Variants in PAX7 observed in about 807,000 individuals in gnomAD.
PAX7 encodes the protein paired box 7.
In PAX7, 18 loss-of-function variants were observed where a neutral mutation model predicts 50.7. The observed-to-expected ratio is 0.36, with a 90% confidence interval of 0.25 to 0.53. The LOEUF (loss-of-function observed/expected upper bound fraction) is 0.53, where lower values mean the gene tolerates loss of function less well. PAX7 is among the 20% of genes least tolerant of loss of function. The pLI is 0.93. For missense variants in PAX7, 644 were observed against 702.9 expected, an observed-to-expected ratio of 0.92 and a Z score of 0.95; for synonymous variants, 310 against 290.4, an observed-to-expected ratio of 1.07 and a Z score of -0.69.
Position 18,727,360 on chromosome 1 carries a change from T to G in PAX7, c.1156-8272T>G, listed in dbSNP as rs571476345. Among the ~76,000 whole-genome samples the G allele has an allele frequency of 1.1e-3, 131 of 122,978 alleles. 1 individual carries two copies. The highest frequency in any genetic ancestry group is 3.4e-3 in the African/African-American group (100 of 29,746). The allele number at this position is 122,978 out of a possible 152,430, so 80.7% of individuals were successfully genotyped here. A position where few individuals can be genotyped will look rare whatever the true frequency, so the allele number is the denominator to read the frequency against. On this transcript the variant is annotated intron_variant, in intron 7 of 8. Transcript: ENST00000420770. ...CACACACTCTCTCATCCTCTCTCTCTCTCTCTCTCATACACACACACACAC... is the reference window on the plus strand; with the variant it reads ...CACACACTCTCTCATCCTCTCTCTCGCTCTCTCTCATACACACACACACAC...
Position 18,735,590 on chromosome 1 carries a change from G to GT in PAX7, c.1156-41dup, listed in dbSNP as rs1316595564. Reference sequence around the variant, plus strand: ...TGCCCAGTGTGCTCGTGTCTCTGGGGTCTGTCCGGTGAGCCTGGCACTAAT... The same window carrying GT: ...TGCCCAGTGTGCTCGTGTCTCTGGGGTTCTGTCCGGTGAGCCTGGCACTAAT... On this transcript the variant is annotated intron_variant, in intron 7 of 8. Coordinates refer to ENST00000420770, the MANE Select transcript of PAX7 (RefSeq NM_001135254.2). The surrounding 1 kb of genome is among the most constrained non-coding windows in gnomAD (Gnocchi z 4.0). 1 of 1,578,572 alleles carries GT rather than the reference G, an allele frequency of 6.3e-7. No individual in the cohort carries two copies. The highest frequency in any genetic ancestry group is 1.7e-5 in the Admixed American group (1 of 58,522).
chr1:18,691,767 C>G lies in PAX7; in HGVS notation c.600C>G (p.Asp200Glu). Reference protein sequence around the residue: ...GILGDKGNRLDEGSDVESEPD... With the variant: ...GILGDKGNRLEEGSDVESEPD... ...CTCCGGCTGTAGGGAACCGGCTGGA[C>G]GAGGGCTCGGATGTGGAGTCGGAAC... Residue 200 changes from aspartate (D) to glutamate (E), a missense_variant, in exon 5 of 9, where the codon GAC becomes GAG. Asp to Glu is a conservative substitution (Grantham distance 45, BLOSUM62 2). Transcript: ENST00000420770. 6.3e-7 allele frequency: 1 copy of G among 1,581,626 alleles called. No individual in the cohort carries two copies. Among genetic ancestry groups the G allele is most frequent in the East Asian group, 2.3e-5 (1 of 42,902 alleles).
At chr1:18,692,474 G>A (rs1489632235) in intron 5 of PAX7, among the ~76,000 whole-genome samples, 4 of 151,958 alleles carry the variant, frequency 2.6e-5, no homozygotes, top group Admixed American at 6.6e-5. Flanking sequence ...CGTGGGAGGC[G>A]GAGGTTGCAG....
chr1:18,702,189 A>T (rs2089231010), intron 6 of PAX7, among the ~76,000 whole-genome samples: 1 of 151,078 alleles, frequency 6.6e-6, no homozygotes, highest in Non-Finnish European at 1.5e-5. Context: ...AAAAAAAAAA[A>T]TTATCTGGGC....
chr1:18,674,909 C>T (rs923349482), intron 4 of PAX7, among the ~76,000 whole-genome samples: 2 of 152,184 alleles, frequency 1.3e-5, no homozygotes, highest in Non-Finnish European at 2.9e-5. Context: ...CCTAGGCTCC[C>T]TCATGGGGCC....
chr1:18,636,167 G>A lies in PAX7; in HGVS notation c.452-70G>A. On this transcript the variant is annotated intron_variant, in intron 3 of 8. Coordinates refer to ENST00000420770, the MANE Select transcript of PAX7 (RefSeq NM_001135254.2). The surrounding 1 kb of genome is among the most constrained non-coding windows in gnomAD (Gnocchi z 5.1). ...AGGGGGCTTCCTGACTTTCTCCCAGGGGCCCAGGCCACCGCTCGCTCCTCT... is the reference window on the plus strand; with the variant it reads ...AGGGGGCTTCCTGACTTTCTCCCAGAGGCCCAGGCCACCGCTCGCTCCTCT... The A allele has an allele frequency of 6.5e-7, 1 of 1,541,636 alleles. No homozygotes were observed. The highest frequency in any genetic ancestry group is 8.8e-7 in the Non-Finnish European group (1 of 1,133,234).
intron 4 of PAX7, among the ~76,000 whole-genome samples, chr1:18,642,481 G>A (rs745714142): frequency 2.2e-4 from 33 of 152,138 alleles, no homozygotes; most frequent in Admixed American, 7.9e-4. Context: ...CATGACTAAG[G>A]GGGGAGGACA....
chr1:18,707,351 G>A (rs1225396667), intron 7 of PAX7, among the ~76,000 whole-genome samples: 1 of 150,832 alleles, frequency 6.6e-6, no homozygotes, highest in African/African-American at 2.4e-5. Context: ...GTAGAGCCAG[G>A]ATTCAAACCC....
chr1:18,679,134 T>C (rs1438537165), intron 4 of PAX7, among the ~76,000 whole-genome samples: 1 of 152,214 alleles, frequency 6.6e-6, no homozygotes, highest in Non-Finnish European at 1.5e-5. Context: ...CCAGCCCCAC[T>C]GGGGGATGCT....
intron 7 of PAX7, among the ~76,000 whole-genome samples, chr1:18,717,951 C>T (rs980358196): frequency 8.5e-5 from 13 of 152,226 alleles, no homozygotes; most frequent in Non-Finnish European, 1.9e-4. Flanking sequence ...TGACGGCCAG[C>T]TGGCCTGACT....
At chr1:18,638,003 C>G (rs930946955) in intron 4 of PAX7, among the ~76,000 whole-genome samples, 2 of 152,256 alleles carry the variant, frequency 1.3e-5, no homozygotes, top group African/African-American at 4.8e-5. Context: ...ATTTCAGTTC[C>G]CATTGGAAGG....
rs2088108069 is a variant in PAX7, at chr1:18,634,303, T to C, written c.86T>C (p.Val29Ala). The C allele has an allele frequency of 1.9e-6, 3 of 1,612,940 alleles. No individual in the cohort carries two copies. Among genetic ancestry groups the C allele is most frequent in the Non-Finnish European group, 2.5e-6 (3 of 1,179,512 alleles). ...TCTGCATCTCCCCTCCCTTCTCCAG[T>C]GTCCACCCCGCTTGGCCAAGGCCGG... ...NYPRTGFPLE[V>A]STPLGQGRVN... Residue 29 changes from valine (V) to alanine (A), a missense_variant and splice_region_variant, in exon 2 of 9, where the codon GTG becomes GCG. By Grantham distance (64) the Val-to-Ala change is moderately conservative. Coordinates refer to ENST00000420770, the MANE Select transcript of PAX7 (RefSeq NM_001135254.2). The surrounding 1 kb of genome is among the most constrained non-coding windows in gnomAD (Gnocchi z 4.0).
At chr1:18,666,072 G>T (rs868845575) in intron 4 of PAX7, among the ~76,000 whole-genome samples, 45 of 152,300 alleles carry the variant, frequency 3.0e-4, no homozygotes, top group African/African-American at 1.0e-3. Context: ...ACCTCAGGAG[G>T]CTGAGGCAGG....
chr1:18,694,684 C>T (rs1397150507), intron 5 of PAX7, among the ~76,000 whole-genome samples: 1 of 152,020 alleles, frequency 6.6e-6, no homozygotes, highest in Non-Finnish European at 1.5e-5. Flanking sequence ...AGGGTTCCTG[C>T]CTTTGGTCAG....
intron 7 of PAX7, among the ~76,000 whole-genome samples, chr1:18,708,249 A>G (rs985110053): frequency 1.4e-4 from 22 of 152,062 alleles, no homozygotes; most frequent in African/African-American, 4.8e-4. Flanking sequence ...TTACTTGGAC[A>G]ACGACTGTAA....
chr1:18,715,983 C>G (rs1299335779), intron 7 of PAX7, among the ~76,000 whole-genome samples: 1 of 152,168 alleles, frequency 6.6e-6, no homozygotes, highest in Non-Finnish European at 1.5e-5. Context: ...CCTGTTCCCC[C>G]CGCTCCTTCT....
chr1:18,736,831 G>A (rs142708721), intron 8 of PAX7, among the ~76,000 whole-genome samples: 4 of 152,250 alleles, frequency 2.6e-5, no homozygotes, highest in East Asian at 3.9e-4. Flanking sequence ...AAGTGAAATC[G>A]GCATTTGAAA....
At chr1:18,637,398 G>T (rs529556939) in intron 4 of PAX7, among the ~76,000 whole-genome samples, 28 of 152,170 alleles carry the variant, frequency 1.8e-4, no homozygotes, top group Non-Finnish European at 3.2e-4. Flanking sequence ...TAAAGAAAAG[G>T]CCCCAAACAC....
chr1:18,654,001 T>C (rs1437297276), intron 4 of PAX7, among the ~76,000 whole-genome samples: 1 of 152,068 alleles, frequency 6.6e-6, no homozygotes, highest in Admixed American at 6.6e-5. Context: ...AGCCCAGCCC[T>C]GTCGCAGGAG....
Sources: allele counts gnomAD v4.1 joint callset (sites outside exome capture counted in the v4.1 genomes callset), GRCh38; gene constraint gnomAD v4.1.1; non-coding constraint Gnocchi (gnomAD v3.1); transcripts MANE v1.5; gene names NCBI Gene and HGNC (gene_info 2026-07-23, HGNC 2026-07-21).